The following ZFHX3 variants were observed in gnomAD, a reference collection of about 807,000 sequenced individuals.
ZFHX3 encodes zinc finger homeobox protein 3.
In ZFHX3, 42 loss-of-function variants were observed where a neutral mutation model predicts 279.1. The observed-to-expected ratio is 0.15, with a 90% CI of 0.12 to 0.19. ZFHX3 has a LOEUF of 0.19. Ranked by LOEUF, ZFHX3 falls within the 10% of genes least tolerant of loss-of-function variation. ZFHX3 has a pLI of 1.00. For missense variants in ZFHX3, 4,981 were observed against 4,754.0 expected (o/e 1.05, Z -1.40); for synonymous variants, 2,293 against 1,957.8 (o/e 1.17, Z -4.52).
intron 2 of ZFHX3, among the ~76,000 whole-genome samples, chr16:73,655,895 A>C (rs1474020498): frequency 2.6e-5 from 4 of 152,216 alleles, no homozygotes; most frequent in African/African-American, 9.6e-5. Context: ...ATTATTGTAC[A>C]TTTGCGCCAA....
At chr16:73,458,393 C>T (rs1396144334) in intron 2 of ZFHX3, among the ~76,000 whole-genome samples, 3 of 145,478 alleles carry the variant, frequency 2.1e-5, no homozygotes, top group Non-Finnish European at 3.0e-5. Context: ...TCCTTCCCTC[C>T]CTCCCTGAGT....
At chr16:72,963,060 C>T (rs1010983955) in intron 1 of ZFHX3, among the ~76,000 whole-genome samples, 1 of 152,094 alleles carries the variant, frequency 6.6e-6, no homozygotes, top group African/African-American at 2.4e-5. Context: ...CTCGGCAGGT[C>T]GATCAGCACT....
chr16:73,287,988 G>A (rs1464830004), intron 4 of ZFHX3, among the ~76,000 whole-genome samples: 5 of 152,182 alleles, frequency 3.3e-5, no homozygotes, highest in African/African-American at 1.2e-4. Flanking sequence ...TGTCCCCTCC[G>A]TTCCTCCCTC....
intron 3 of ZFHX3, among the ~76,000 whole-genome samples, chr16:73,375,504 A>G (rs548000073): frequency 3.0e-4 from 46 of 152,332 alleles, no homozygotes; most frequent in African/African-American, 1.1e-3. Flanking sequence ...TTCAGTGAAC[A>G]CAGCAAAAAT....
intron 3 of ZFHX3, among the ~76,000 whole-genome samples, chr16:72,915,793 G>A (rs1196539109): frequency 6.6e-6 from 1 of 151,720 alleles, no homozygotes; most frequent in Non-Finnish European, 1.5e-5. Flanking sequence ...ATTTCATTGT[G>A]ATTTTAAAAG....
intron 2 of ZFHX3, among the ~76,000 whole-genome samples, chr16:73,564,677 A>G (rs1057061537): frequency 1.3e-5 from 2 of 152,096 alleles, no homozygotes; most frequent in African/African-American, 4.8e-5. Context: ...TGAGCATTAG[A>G]ACTTCCACCG....
chr16:73,177,529 C>T (rs1432226148), intron 5 of ZFHX3, among the ~76,000 whole-genome samples: 1 of 152,226 alleles, frequency 6.6e-6, no homozygotes, highest in African/African-American at 2.4e-5. Flanking sequence ...GGTATCCCTA[C>T]TTTAAAGATG....
intron 5 of ZFHX3, among the ~76,000 whole-genome samples, chr16:73,190,179 G>A (rs1216488746): frequency 1.3e-5 from 2 of 152,228 alleles, no homozygotes; most frequent in Non-Finnish European, 2.9e-5. Flanking sequence ...TTGGAAGCAG[G>A]AAGCTGCTGA....
intron 1 of ZFHX3, among the ~76,000 whole-genome samples, chr16:73,822,075 G>C (rs1453387437): frequency 6.6e-6 from 1 of 152,134 alleles, no homozygotes; most frequent in Non-Finnish European, 1.5e-5. Context: ...CAGTCACATA[G>C]AAAGACATCT....
intron 1 of ZFHX3, among the ~76,000 whole-genome samples, chr16:73,747,610 T>C (rs2053715939): frequency 6.6e-6 from 1 of 152,178 alleles, no homozygotes; most frequent in Non-Finnish European, 1.5e-5. Flanking sequence ...AAAATCTCTA[T>C]GTTGATTAGT....
At chr16:73,683,398 G>A (rs995822883) in intron 1 of ZFHX3, among the ~76,000 whole-genome samples, 5 of 152,182 alleles carry the variant, frequency 3.3e-5, no homozygotes, top group Non-Finnish European at 7.3e-5. Context: ...TTATAAATAT[G>A]TAGACATAGT....
chr16:73,781,055 A>T (rs1959452782), intron 1 of ZFHX3, among the ~76,000 whole-genome samples: 1 of 152,204 alleles, frequency 6.6e-6, no homozygotes, highest in South Asian at 2.1e-4. Flanking sequence ...TGATGAACAA[A>T]AGAGAAAGGG....
rs756523442 is a variant in ZFHX3 at position 72,797,942 on chromosome 16, T to C, written c.4740A>G (p.Ser1580=). The change falls in exon 9 of 10, where the codon TCA becomes TCG. Residue 1580 remains serine (S), a synonymous_variant. Transcript: ENST00000268489. ...TGGTGGGTTCTGGCTGACCGGTTGC[T>C]GATTCTTGAAGGGCTCTCTTTAACT... ...LHKLKRALQE[S]ATGQPEPTSS... The C allele has an allele frequency of 2.5e-6, 4 of 1,614,100 alleles. No individual in the cohort carries two copies. Among genetic ancestry groups the C allele is most frequent in the Non-Finnish European group, 2.5e-6 (3 of 1,180,024 alleles).
At chr16:73,173,660 C>T (rs1437623245) in intron 5 of ZFHX3, among the ~76,000 whole-genome samples, 1 of 152,166 alleles carries the variant, frequency 6.6e-6, no homozygotes, top group Non-Finnish European at 1.5e-5. Context: ...AACTCAGAGG[C>T]GGTCCCTGGA....
chr16:73,876,626 A>C (rs1043884485), intron 1 of ZFHX3, among the ~76,000 whole-genome samples: 19 of 152,374 alleles, frequency 1.2e-4, no homozygotes, highest in African/African-American at 3.8e-4. Flanking sequence ...ACTTGAGTAT[A>C]GAAATAGTTC....
chr16:73,774,675 C>T (rs189943895), intron 1 of ZFHX3, among the ~76,000 whole-genome samples: 31 of 152,322 alleles, frequency 2.0e-4, no homozygotes, highest in African/African-American at 7.2e-4. Flanking sequence ...GCACAAGGAA[C>T]AGCTGGGCAA....
chr16:72,879,015 C>A (rs1427353026), intron 4 of ZFHX3, among the ~76,000 whole-genome samples: 2 of 152,208 alleles, frequency 1.3e-5, no homozygotes, highest in African/African-American at 4.8e-5. Flanking sequence ...CCTGTGGAGG[C>A]TGCCCTCGAG....
chr16:73,063,580 G>A (rs933424459), upstream of ZFHX3, among the ~76,000 whole-genome samples: 91 of 152,158 alleles, frequency 6.0e-4, no homozygotes, highest in African/African-American at 2.1e-3. Flanking sequence ...GCGCCAGACA[G>A]TGAGTAGCTG....
intron 3 of ZFHX3, among the ~76,000 whole-genome samples, chr16:73,422,830 G>T (rs1464195936): frequency 6.6e-6 from 1 of 152,144 alleles, no homozygotes; most frequent in Admixed American, 6.5e-5. Context: ...AATCCTCCTG[G>T]GTTAGTTTGC....
Sources: allele counts gnomAD v4.1 joint callset (sites outside exome capture counted in the v4.1 genomes callset), GRCh38; gene constraint gnomAD v4.1.1; transcripts MANE v1.5; gene names NCBI Gene and HGNC (gene_info 2026-07-23, HGNC 2026-07-21).